UBQLN1: variants seen among roughly 807,000 people sequenced by gnomAD.
The protein encoded by UBQLN1 is ubiquilin 1.
Under a neutral mutation model 65.4 loss-of-function variants are expected in UBQLN1, and 13 were observed. The observed-to-expected ratio is 0.20, with a 90% CI of 0.13 to 0.32. UBQLN1 has a LOEUF of 0.32. Ranked by LOEUF, UBQLN1 falls within the 10% of genes least tolerant of loss-of-function variation. The pLI, the probability that UBQLN1 is intolerant of heterozygous loss-of-function variation, is 1.00. For synonymous variants in UBQLN1, 267 were observed against 247.8 expected (o/e 1.08, Z -0.73); for missense variants, 561 against 724.0 (o/e 0.77, Z 2.58).
At chr9:83,687,819 T>C (rs2131171711) in intron 1 of UBQLN1, among the ~76,000 whole-genome samples, 1 of 152,316 alleles carries the variant, frequency 6.6e-6, no homozygotes, top group South Asian at 2.1e-4. Flanking sequence ...TCAACTCCCA[T>C]ACACATTGCT....
chr9:83,686,430 A>G (rs1239111926), intron 1 of UBQLN1, among the ~76,000 whole-genome samples: 1 of 152,124 alleles, frequency 6.6e-6, no homozygotes, highest in Non-Finnish European at 1.5e-5. Flanking sequence ...AATTCAAAAC[A>G]ATACAGAGAT....
Position 83,682,993 on chromosome 9 carries a change from T to C in UBQLN1, c.406A>G (p.Asn136Asp). ...NVTTSSTPNS[N>D]STSGSATSNP... ...CTAGTAGCAGAACCAGATGTAGAGTTACTATTAGGAGTTGATGATGTAGTA... is the reference window on the plus strand; with the variant it reads ...CTAGTAGCAGAACCAGATGTAGAGTCACTATTAGGAGTTGATGATGTAGTA... Residue 136 changes from asparagine (N) to aspartate (D), a missense_variant, in exon 3 of 11, where the codon AAC (asparagine) becomes GAC (aspartate). Asn to Asp is a conservative substitution (Grantham distance 23). This residue lies in a region of UBQLN1 where 87 missense variants were observed against 88.8 expected (regional missense o/e 0.98). Transcript: ENST00000376395. The C allele has an allele frequency of 1.9e-6, 3 of 1,612,714 alleles. No individual in the cohort carries two copies. Among genetic ancestry groups the C allele is most frequent in the South Asian group, 1.1e-5 (1 of 90,986 alleles).
rs1831564065 is a variant in UBQLN1, at chr9:83,661,766, T to C, written c.*21A>G. 6.4e-7 allele frequency: 1 copy of C among 1,569,614 alleles called. No homozygotes were observed. Among genetic ancestry groups the C allele is most frequent in the Non-Finnish European group, 8.6e-7 (1 of 1,160,062 alleles). On this transcript the variant is annotated 3_prime_UTR_variant, in exon 11 of 11. Coordinates refer to ENST00000376395, the MANE Select transcript of UBQLN1 (RefSeq NM_013438.5). Reference sequence around the variant, plus strand: ...CCGTTATCAAAAATAAATTACATTTTTTCAAGATACAGAAATGCTGCTATG... The same window carrying C: ...CCGTTATCAAAAATAAATTACATTTCTTCAAGATACAGAAATGCTGCTATG...
intron 6 of UBQLN1, among the ~76,000 whole-genome samples, chr9:83,673,206 G>A (rs1000401539): frequency 6.6e-6 from 1 of 152,098 alleles, no homozygotes; most frequent in Non-Finnish European, 1.5e-5. Context: ...CTCCAGCCTG[G>A]GCGACGACTC....
chr9:83,707,395 G>A, intron 1 of UBQLN1, 105 bp downstream of exon 1: 5 of 1,267,868 alleles, frequency 3.9e-6, no homozygotes, highest in Non-Finnish European at 4.2e-6. Flanking sequence ...CGGGAGAATG[G>A]CCGAGGACGA....
intron 3 of UBQLN1, 42 bp downstream of exon 3, chr9:83,682,909 G>A (rs1831968650): frequency 1.8e-6 from 2 of 1,132,422 alleles, no homozygotes; most frequent in Non-Finnish European, 2.5e-6. Flanking sequence ...AGGGAAAGGA[G>A]TATTTTTTCC....
chr9:83,663,423 C>T (rs890784897), intron 10 of UBQLN1, among the ~76,000 whole-genome samples: 1 of 151,940 alleles, frequency 6.6e-6, no homozygotes, highest in Non-Finnish European at 1.5e-5. Context: ...CACAAGCTAC[C>T]GCAGGAGGTG....
At chr9:83,680,845 C>T (rs939197323) in intron 3 of UBQLN1, among the ~76,000 whole-genome samples, 9 of 152,214 alleles carry the variant, frequency 5.9e-5, no homozygotes, top group Non-Finnish European at 1.0e-4. Context: ...TGGCCTAGAA[C>T]TTGTGACCAG....
At position 83,660,613 on chromosome 9, in the gene UBQLN1, GGT is replaced by G; in HGVS notation, c.*1172_*1173del. The G allele has an allele frequency of 6.6e-6, 1 of 151,938 alleles. No individual in the cohort carries two copies. The allele number at this position is 151,938 out of a possible 1,614,324, so 9.4% of individuals were successfully genotyped here. A position where few individuals can be genotyped will look rare whatever the true frequency, so the allele number is the denominator to read the frequency against. On this transcript the variant is annotated 3_prime_UTR_variant, in exon 11 of 11. Transcript: ENST00000376395. ...TGCACAGAAATCCTAACAGAATCTTGGTTGCCAGTATTATTTAAGCTGGCCCC... is the reference window on the plus strand; with the variant it reads ...TGCACAGAAATCCTAACAGAATCTTGTGCCAGTATTATTTAAGCTGGCCCC...
intron 6 of UBQLN1, among the ~76,000 whole-genome samples, chr9:83,671,995 T>C (rs998564467): frequency 6.6e-6 from 1 of 152,270 alleles, no homozygotes; most frequent in Non-Finnish European, 1.5e-5. Context: ...CAACAGCACC[T>C]GCTACCTCAC....
intron 10 of UBQLN1, among the ~76,000 whole-genome samples, chr9:83,662,313 CAG>C (rs1564158132): frequency 7.1e-6 from 1 of 141,374 alleles, no homozygotes; most frequent in East Asian, 2.0e-4. Flanking sequence ...CACACACACA[CAG>C]ATAGTTCAGA....
chr9:83,667,951 T>G, intron 7 of UBQLN1: 1 of 985,108 alleles, frequency 1.0e-6, no homozygotes, highest in South Asian at 4.7e-5. Flanking sequence ...AGTGCTCAAG[T>G]CACTTTACTA....
chr9:83,663,488 T>C (rs1476460436), intron 10 of UBQLN1, among the ~76,000 whole-genome samples: 1 of 152,208 alleles, frequency 6.6e-6, no homozygotes, highest in Admixed American at 6.5e-5. Flanking sequence ...AAAGACAGAC[T>C]AGAATACAGC....
Position 83,679,021 on chromosome 9 carries a change from A to T in UBQLN1, c.712-422T>A, listed in dbSNP as rs114240617. ...CAAGCGTGAGCCACCGCGCCCGGCC[A>T]GGAGGCCACTGTTTTGGACCAGCCT... On this transcript the variant is annotated intron_variant, in intron 4 of 10. Transcript: ENST00000376395. Among the ~76,000 whole-genome samples, 1,369 of 152,136 alleles carry T rather than the reference A, an allele frequency of 9.0e-3. 22 individuals carry two copies. The highest frequency in any genetic ancestry group is 0.031 in the African/African-American group (1,307 of 41,502).
At chr9:83,682,829 T>TG in intron 3 of UBQLN1, 122 bp downstream of exon 3, 1 of 499,012 alleles carries the variant, frequency 2.0e-6, no homozygotes, top group East Asian at 3.2e-5. Flanking sequence ...TGTATGTTTT[T>TG]TTTTTTTAAT....
chr9:83,691,966 A>G (rs1215979271), intron 1 of UBQLN1, among the ~76,000 whole-genome samples: 1 of 152,192 alleles, frequency 6.6e-6, no homozygotes, highest in Non-Finnish European at 1.5e-5. Context: ...TCAAACCACC[A>G]ATGTCACCTA....
At chr9:83,672,801 C>T (rs141888683) in intron 6 of UBQLN1, among the ~76,000 whole-genome samples, 15 of 152,348 alleles carry the variant, frequency 9.8e-5, no homozygotes, top group African/African-American at 3.1e-4. Flanking sequence ...AACCTTCAAA[C>T]TGTGAAAATC....
intron 2 of UBQLN1, among the ~76,000 whole-genome samples, chr9:83,685,049 A>G (rs940179806): frequency 1.3e-5 from 2 of 152,188 alleles, no homozygotes; most frequent in African/African-American, 4.8e-5. Flanking sequence ...CTGTTGTATC[A>G]TATGTAACGG....
rs1210704498 is a variant in UBQLN1, at chr9:83,680,031, A to C, written c.455T>G (p.Leu152Arg). ...GCTACTCAGACCTGCAAGTCCCCCA[A>C]GGCCACCTAAGAGGATAAAGGGCAA... ...ATSNPFGLGG[L>R]GGLAGLSSLG... Residue 152 changes from leucine (L) to arginine (R), a missense_variant, in exon 4 of 11, where the codon CTT becomes CGT. Leu to Arg is a moderately radical substitution (Grantham distance 102, BLOSUM62 -2). Coordinates refer to ENST00000376395, the MANE Select transcript of UBQLN1 (RefSeq NM_013438.5). 1 of 1,611,206 alleles carries C rather than the reference A, an allele frequency of 6.2e-7. No homozygotes were observed. Among genetic ancestry groups the C allele is most frequent in the South Asian group, 1.1e-5 (1 of 90,976 alleles).
Sources: allele counts gnomAD v4.1 joint callset (sites outside exome capture counted in the v4.1 genomes callset), GRCh38; gene constraint gnomAD v4.1.1; regional missense constraint gnomAD v4.1.1; transcripts MANE v1.5; gene names NCBI Gene and HGNC (gene_info 2026-07-23, HGNC 2026-07-21).